The following PPP6C variants were observed in gnomAD, a reference collection of about 807,000 sequenced individuals.
The protein encoded by PPP6C is serine/threonine-protein phosphatase 6 catalytic subunit.
A neutral mutation model predicts 39.8 loss-of-function variants in PPP6C; 11 were observed. The observed-to-expected ratio is 0.28, with a 90% CI of 0.17 to 0.46. The LOEUF (loss-of-function observed/expected upper bound fraction) is 0.46. PPP6C is among the 20% of genes least tolerant of loss of function. PPP6C has a pLI of 1.00. For missense variants in PPP6C, 211 were observed against 373.9 expected, an observed-to-expected ratio of 0.56 and a Z score of 3.59; for synonymous variants, 129 against 130.3, an observed-to-expected ratio of 0.99 and a Z score of 0.07.
At chr9:125,161,375 C>T (rs907816077) in intron 2 of PPP6C, among the ~76,000 whole-genome samples, 1 of 152,058 alleles carries the variant, frequency 6.6e-6, no homozygotes, top group African/African-American at 2.4e-5. Context: ...AGTTATATAC[C>T]CTCAGGCTCC....
chr9:125,176,453 C>A lies in PPP6C; in HGVS notation c.76-5273G>T, dbSNP rs762387427. On this transcript the variant is annotated intron_variant, in intron 1 of 6. Coordinates refer to ENST00000373547, the MANE Select transcript of PPP6C (RefSeq NM_002721.5). Reference sequence around the variant, plus strand: ...AGCGTATCACTTGAGCTCAGGAGTTCGAGACCTGCCTGGGCAACAATGGCA... The same window carrying A: ...AGCGTATCACTTGAGCTCAGGAGTTAGAGACCTGCCTGGGCAACAATGGCA... 7.6e-4 allele frequency among the ~76,000 whole-genome samples: 115 copies of A among 152,080 alleles called. 2 individuals are homozygous for A. The highest frequency in any genetic ancestry group is 2.9e-4 in the Non-Finnish European group (20 of 68,026).
intron 2 of PPP6C, among the ~76,000 whole-genome samples, chr9:125,166,426 G>A (rs934018608): frequency 6.6e-6 from 1 of 151,756 alleles, no homozygotes; most frequent in Non-Finnish European, 1.5e-5. Flanking sequence ...AAATACCCAA[G>A]TCTAAATAAT....
intron 1 of PPP6C, among the ~76,000 whole-genome samples, chr9:125,175,664 A>T (rs1233436365): frequency 6.6e-6 from 1 of 151,792 alleles, no homozygotes; most frequent in Non-Finnish European, 1.5e-5. Flanking sequence ...AAAAAAAAGA[A>T]ATTACCTACA....
chr9:125,150,862 T>C (rs2131295416), intron 6 of PPP6C: 2 of 796,784 alleles, frequency 2.5e-6, no homozygotes, highest in East Asian at 5.0e-5. Context: ...GTGCCTTTGA[T>C]CATGACTAAT....
At chr9:125,156,002 G>C (rs988668545) in intron 4 of PPP6C, among the ~76,000 whole-genome samples, 9 of 151,626 alleles carry the variant, frequency 5.9e-5, no homozygotes, top group African/African-American at 2.2e-4. Flanking sequence ...TATAGTAGGT[G>C]TGTGTGTTTT....
At position 125,149,344 on chromosome 9, in the gene PPP6C, T is replaced by A. The variant is rs766005391; in HGVS notation, c.*329A>T. Reference sequence around the variant, plus strand: ...GGAGTATTTAGGTGTAATCTGTCAATTGGCTTTTAAAAAAAGGAAACACAT... The same window carrying A: ...GGAGTATTTAGGTGTAATCTGTCAAATGGCTTTTAAAAAAAGGAAACACAT... On this transcript the variant is annotated 3_prime_UTR_variant, in exon 7 of 7. Coordinates refer to ENST00000373547, the MANE Select transcript of PPP6C (RefSeq NM_002721.5). 3 of 207,050 alleles carry A rather than the reference T, an allele frequency of 1.4e-5. No individual in the cohort carries two copies. Among genetic ancestry groups the A allele is most frequent in the African/African-American group, 6.9e-5 (3 of 43,306 alleles). The allele number at this position is 207,050 out of a possible 1,614,324, so 12.8% of individuals were successfully genotyped here.
chr9:125,187,323 G>A (rs1249766465), intron 1 of PPP6C, among the ~76,000 whole-genome samples: 1 of 151,110 alleles, frequency 6.6e-6, no homozygotes, highest in Admixed American at 6.6e-5. Flanking sequence ...CTGTCTCCCA[G>A]GCTGGAGTAC....
Position 125,189,759 on chromosome 9 carries a change from T to TGTA in PPP6C, c.-44_-42dup. The TGTA allele has an allele frequency of 6.5e-7, 1 of 1,545,638 alleles. No individual in the cohort carries two copies. The highest frequency in any genetic ancestry group is 8.7e-7 in the Non-Finnish European group (1 of 1,147,110). On this transcript the variant is annotated 5_prime_UTR_variant, in exon 1 of 7. Coordinates refer to ENST00000373547, the MANE Select transcript of PPP6C (RefSeq NM_002721.5). ...CCGCGGCAACAGCGGCGGCGGCGGC[T>TGTA]GTAGCAGCGGCGGCGGCAGCGGCGG... is the stretch of plus-strand genomic sequence containing the variant.
At chr9:125,157,327 T>C (rs1836105038) in intron 4 of PPP6C, among the ~76,000 whole-genome samples, 3 of 152,066 alleles carry the variant, frequency 2.0e-5, no homozygotes, top group Admixed American at 6.6e-5. Context: ...CCTGAGGTCC[T>C]AGCATTCTCT....
Position 125,171,460 on chromosome 9 carries a change from T to TACACAC in PPP6C, c.76-286_76-281dup, listed in dbSNP as rs138335451. 5.1e-4 allele frequency among the ~76,000 whole-genome samples: 49 copies of TACACAC among 95,638 alleles called. 1 individual carries two copies. Among genetic ancestry groups the TACACAC allele is most frequent in the Admixed American group, 1.1e-3 (9 of 7,862 alleles). 62.7% of individuals were successfully genotyped at this position (95,638 alleles called of 152,430 possible). On this transcript the variant is annotated intron_variant, in intron 1 of 6. Coordinates refer to ENST00000373547, the MANE Select transcript of PPP6C (RefSeq NM_002721.5). ...TTTTCACCAAACACACACACACATA[T>TACACAC]ACACACACACACACACACATATATA...
intron 1 of PPP6C, among the ~76,000 whole-genome samples, chr9:125,189,259 C>T (rs907749383): frequency 1.1e-4 from 17 of 152,222 alleles, no homozygotes; most frequent in African/African-American, 4.1e-4. Flanking sequence ...CTGTCACCTC[C>T]GGTGGAGGCG....
intron 6 of PPP6C, chr9:125,151,276 G>T: frequency 6.7e-7 from 1 of 1,498,540 alleles, no homozygotes; most frequent in South Asian, 1.1e-5. Context: ...TGAAGGATCT[G>T]GTGGCCATCC....
intron 2 of PPP6C, among the ~76,000 whole-genome samples, chr9:125,162,038 G>T (rs186133584): frequency 5.0e-5 from 7 of 139,802 alleles, no homozygotes; most frequent in Admixed American, 2.1e-4. Flanking sequence ...ACTACTGAAA[G>T]AAATAAAGTA....
chr9:125,171,758 T>C (rs562183652), intron 1 of PPP6C, among the ~76,000 whole-genome samples: 1 of 152,042 alleles, frequency 6.6e-6, no homozygotes, highest in East Asian at 1.9e-4. Context: ...TTTACCATGT[T>C]GGCCAGGCTG....
intron 4 of PPP6C, among the ~76,000 whole-genome samples, chr9:125,155,450 C>T (rs1331355199): frequency 1.3e-5 from 2 of 152,158 alleles, no homozygotes; most frequent in African/African-American, 2.4e-5. Flanking sequence ...TAACAATGAG[C>T]TCAGGTTGCA....
chr9:125,171,470 C>CATATAT (rs1348478199), intron 1 of PPP6C, among the ~76,000 whole-genome samples: 5 of 24,700 alleles, frequency 2.0e-4, no homozygotes, highest in East Asian at 2.0e-3. Flanking sequence ...TACACACACA[C>CATATAT]ACACACACAT....
chr9:125,179,692 G>A (rs1829383235), intron 1 of PPP6C, among the ~76,000 whole-genome samples: 1 of 119,176 alleles, frequency 8.4e-6, no homozygotes. Context: ...GTCTTGCTTT[G>A]TCGTTCAGGC....
chr9:125,147,914 T>C lies in PPP6C; in HGVS notation c.*1759A>G, dbSNP rs1469150637. On this transcript the variant is annotated 3_prime_UTR_variant, in exon 7 of 7. Transcript: ENST00000373547. ...TAAAATACATAGCTACATATCCCTGTGAGATAAAAATACCTTTCCACCTGA... is the reference window on the plus strand; with the variant it reads ...TAAAATACATAGCTACATATCCCTGCGAGATAAAAATACCTTTCCACCTGA... The C allele has an allele frequency of 5.4e-6, 1 of 186,128 alleles. No individual in the cohort carries two copies. The highest frequency in any genetic ancestry group is 4.2e-5 in the Admixed American group (1 of 23,622). 11.5% of individuals were successfully genotyped at this position (186,128 alleles called of 1,614,324 possible).
intron 2 of PPP6C, among the ~76,000 whole-genome samples, chr9:125,169,434 A>G (rs967284784): frequency 6.6e-6 from 1 of 152,250 alleles, no homozygotes; most frequent in Non-Finnish European, 1.5e-5. Context: ...CTGACCTTTG[A>G]TCATGGCTGT....
Sources: gnomAD v4.1 joint callset for allele counts (sites outside exome capture counted in the v4.1 genomes callset) on GRCh38, gnomAD v4.1.1 for gene constraint, MANE v1.5 for transcripts, NCBI Gene and HGNC (gene_info 2026-07-23, HGNC 2026-07-21) for gene names.